Variants in RPF2 observed in about 807,000 individuals in gnomAD.
RPF2 encodes ribosome production factor 2 homolog, also known as brix domain containing 1.
Under a neutral mutation model 38.9 loss-of-function variants are expected in RPF2, and 21 were observed. The ratio of observed to expected loss-of-function variants is 0.54; its 90% CI spans 0.38 to 0.78. The LOEUF (loss-of-function observed/expected upper bound fraction) is 0.78. Among genes scored for constraint, RPF2 ranks in the 30% least tolerant of loss-of-function variants. The pLI, the probability that RPF2 is intolerant of heterozygous loss-of-function variation, is 0.00. For synonymous variants in RPF2, 121 were observed against 126.2 expected (o/e 0.96, Z 0.28); for missense variants, 314 against 358.1 (o/e 0.88, Z 0.99).
chr6:111,002,533 A>G (rs373348178), intron 6 of RPF2, among the ~76,000 whole-genome samples: 53 of 151,638 alleles, frequency 3.5e-4, no homozygotes, highest in African/African-American at 1.0e-3. Context: ...GGGTCTCACT[A>G]TATTGCCCTG....
At chr6:111,017,251 G>A (rs1366594415) in intron 8 of RPF2, among the ~76,000 whole-genome samples, 1 of 151,830 alleles carries the variant, frequency 6.6e-6, no homozygotes, top group Non-Finnish European at 1.5e-5. Flanking sequence ...CTTCCCAGAA[G>A]GGGTGGCCGG....
intron 5 of RPF2, among the ~76,000 whole-genome samples, chr6:110,998,457 C>A (rs889123296): frequency 1.3e-5 from 2 of 152,188 alleles, no homozygotes; most frequent in East Asian, 3.8e-4. Flanking sequence ...GATCCACCCA[C>A]CTTGGCCTCC....
In RPF2 at chr6:111,025,820, C is replaced by A. The variant is rs1772318766; in HGVS notation, c.*238C>A. 7.2e-6 allele frequency: 2 copies of A among 277,610 alleles called. No homozygotes were observed. The highest frequency in any genetic ancestry group is 6.2e-5 in the East Asian group (1 of 16,122). The allele number at this position is 277,610 out of a possible 1,614,324, so 17.2% of individuals were successfully genotyped here. ...TGATATCCCCTGCCCTCCACAAATT[C>A]TTCTTTCTCATTGGGTGGATGGATG... On this transcript the variant is annotated 3_prime_UTR_variant, in exon 10 of 10. Coordinates refer to ENST00000441448, the MANE Select transcript of RPF2 (RefSeq NM_032194.3).
In RPF2 at chr6:110,982,067, G is replaced by A. The variant is rs752679299; in HGVS notation, c.-40G>A. 5 of 1,613,604 alleles carry A rather than the reference G, an allele frequency of 3.1e-6. No homozygotes were observed. The South Asian group carries it at 5.5e-5, about 18-fold the overall frequency. ...CGGCGCACGTAATCGCCGAGGGCAC[G>A]TGCATGCCCCCTGGTTAAGAGTTGC... On this transcript the variant is annotated 5_prime_UTR_variant, in exon 1 of 10. In the 5' UTR this introduces an upstream ATG that the reference lacks. Coordinates refer to ENST00000441448, the MANE Select transcript of RPF2 (RefSeq NM_032194.3).
In RPF2 at chr6:111,024,197, A is replaced by C; in HGVS notation, c.611A>C (p.Lys204Thr). ...YFRSYKLLLK[K>T]SGCRTPRIEL... ...ATTTCCTAAAGGTTGCTGTTGAAGA[A>C]ATCTGGTTGCAGAACACCACGGATT... is the stretch of plus-strand genomic sequence containing the variant. The change falls in exon 9 of 10, where the codon AAA (lysine) becomes ACA (threonine). Residue 204 changes from lysine to threonine, a missense_variant. Coordinates refer to ENST00000441448, the MANE Select transcript of RPF2 (RefSeq NM_032194.3). The C allele has an allele frequency of 6.3e-7, 1 of 1,596,540 alleles. No individual in the cohort carries two copies.
chr6:111,001,359 C>T (rs974340309), intron 6 of RPF2, among the ~76,000 whole-genome samples: 1 of 151,924 alleles, frequency 6.6e-6, no homozygotes, highest in African/African-American at 2.4e-5. Context: ...GGTGGAAGCC[C>T]TCATATTATT....
rs1430500217 is a variant in RPF2, at chr6:110,990,569, C to G, written c.195-1178C>G. On this transcript the variant is annotated intron_variant, in intron 3 of 9. Coordinates refer to ENST00000441448, the MANE Select transcript of RPF2 (RefSeq NM_032194.3). Reference sequence around the variant, plus strand: ...GTTTGGCAATTGGGAACCCCCCCCCCCCCCACCTTTTCTTTTGTTTGTTTT... The same window carrying G: ...GTTTGGCAATTGGGAACCCCCCCCCGCCCCACCTTTTCTTTTGTTTGTTTT... Among the ~76,000 whole-genome samples the G allele has an allele frequency of 6.5e-4, 88 of 135,122 alleles. 1 individual carries two copies. Among genetic ancestry groups the G allele is most frequent in the African/African-American group, 1.9e-3 (69 of 35,746 alleles). The allele number at this position is 135,122 out of a possible 152,430, so 88.6% of individuals were successfully genotyped here.
chr6:110,986,416 AGTT>A (rs1434039336), intron 2 of RPF2, among the ~76,000 whole-genome samples: 1 of 152,182 alleles, frequency 6.6e-6, no homozygotes, highest in Non-Finnish European at 1.5e-5. Context: ...AGGAAAGAAG[AGTT>A]GGGAACTAGT....
At chr6:111,001,232 A>G (rs9386978) in intron 6 of RPF2, among the ~76,000 whole-genome samples, 14,076 of 152,252 alleles carry the variant, frequency 0.092, 741 homozygotes, top group African/African-American at 0.13. Context: ...AGTTGCAATC[A>G]CATGTAAAAT....
chr6:111,021,282 A>G lies in RPF2; in HGVS notation c.597-2901A>G, dbSNP rs556409385. Among the ~76,000 whole-genome samples the G allele has an allele frequency of 2.0e-5, 3 of 152,348 alleles. No individual in the cohort carries two copies. In the South Asian group the frequency reaches 6.2e-4, roughly 32 times the overall value. ...TTACACTAGCACGACATCTTTCATAATGAAAAAAAGTTTGAAATTTTAAAA... is the reference window on the plus strand; with the variant it reads ...TTACACTAGCACGACATCTTTCATAGTGAAAAAAAGTTTGAAATTTTAAAA... On this transcript the variant is annotated intron_variant, in intron 8 of 9. Coordinates refer to ENST00000441448, the MANE Select transcript of RPF2 (RefSeq NM_032194.3).
At chr6:111,019,166 TGAG>T (rs1562376280) in intron 8 of RPF2, among the ~76,000 whole-genome samples, 1 of 151,786 alleles carries the variant, frequency 6.6e-6, no homozygotes, top group Non-Finnish European at 1.5e-5. Flanking sequence ...GCGGATCACT[TGAG>T]GAGTTCAAGA....
chr6:110,995,608 T>C (rs1013538801), intron 4 of RPF2, among the ~76,000 whole-genome samples: 2 of 152,186 alleles, frequency 1.3e-5, no homozygotes, highest in African/African-American at 4.8e-5. Context: ...TTCCAATTGA[T>C]TTCTGGACTA....
chr6:110,999,239 C>T (rs780267731), intron 5 of RPF2, among the ~76,000 whole-genome samples: 40 of 151,834 alleles, frequency 2.6e-4, no homozygotes, highest in Non-Finnish European at 4.4e-4. Context: ...AGCATGGATC[C>T]ATTGGAATTG....
intron 8 of RPF2, among the ~76,000 whole-genome samples, chr6:111,017,358 C>T (rs1180504294): frequency 2.0e-5 from 3 of 150,610 alleles, no homozygotes; most frequent in Non-Finnish European, 3.0e-5. Context: ...GGGGGCTGCC[C>T]CCCGCCTCCC....
rs574042575 is a variant in RPF2, at chr6:111,017,556, G to T, written c.596+1700G>T. On this transcript the variant is annotated intron_variant, in intron 8 of 9. Coordinates refer to ENST00000441448, the MANE Select transcript of RPF2 (RefSeq NM_032194.3). ...TTAGACGGGGCGGCCGGGCAGAGAC[G>T]CTCCTCACCTCCCAGATGGGGTCGC... Among the ~76,000 whole-genome samples the T allele has an allele frequency of 1.6e-3, 241 of 150,242 alleles. 3 individuals are homozygous for T. Among genetic ancestry groups the T allele is most frequent in the African/African-American group, 5.8e-3 (234 of 40,648 alleles).
At chr6:111,009,462 G>C (rs1771975837) in intron 7 of RPF2, among the ~76,000 whole-genome samples, 1 of 151,850 alleles carries the variant, frequency 6.6e-6, no homozygotes, top group Non-Finnish European at 1.5e-5. Context: ...CAAAATGCTG[G>C]GATTACAGGC....
rs878979533 is a variant in RPF2, at chr6:111,008,117, G to A, written c.473G>A (p.Arg158Lys). 1 of 1,571,372 alleles carries A rather than the reference G, an allele frequency of 6.4e-7. No homozygotes were observed. The highest frequency in any genetic ancestry group is 8.7e-7 in the Non-Finnish European group (1 of 1,155,904). ...TTCGATGTAACAGAAGATTATAGAA[G>A]ACTAAAAAGTCTTCTTATTGGTAAG... The part of the protein sequence containing the change: ...DDFDVTEDYR[R>K]LKSLLIDFFR... Residue 158 changes from arginine to lysine, a missense_variant, in exon 7 of 10, where the codon AGA becomes AAA. By Grantham distance (26) the Arg-to-Lys change is conservative. Transcript: ENST00000441448.
intron 8 of RPF2, among the ~76,000 whole-genome samples, chr6:111,022,860 T>A (rs1184078754): frequency 6.6e-6 from 1 of 152,114 alleles, no homozygotes; most frequent in African/African-American, 2.4e-5. Flanking sequence ...GAAGAAAAAA[T>A]TTTAGTTGAA....
intron 7 of RPF2, among the ~76,000 whole-genome samples, chr6:111,011,644 C>T (rs1772016786): frequency 6.6e-6 from 1 of 152,144 alleles, no homozygotes; most frequent in Non-Finnish European, 1.5e-5. Flanking sequence ...ATTTCCATTA[C>T]TTGTACTCCA....
Sources: allele counts gnomAD v4.1 joint callset (sites outside exome capture counted in the v4.1 genomes callset), GRCh38; gene constraint gnomAD v4.1.1; transcripts MANE v1.5; gene names NCBI Gene and HGNC (gene_info 2026-07-23, HGNC 2026-07-21).